The following PALM2AKAP2 variants were observed in gnomAD, a reference collection of about 807,000 sequenced individuals.
PALM2AKAP2 encodes PALM2 and AKAP2 fusion, also known as PALM2-AKAP2 fusion protein.
PALM2AKAP2 carries 37 observed loss-of-function variants against 71.5 expected under a neutral mutation model. The ratio of observed to expected loss-of-function variants is 0.52; its 90% confidence interval spans 0.40 to 0.68. The LOEUF is 0.68. Among genes scored for constraint, PALM2AKAP2 ranks in the 30% least tolerant of loss-of-function variants. The pLI is 0.00. For missense variants in PALM2AKAP2, 1,224 were observed against 1,191.8 expected (o/e 1.03, Z -0.40); for synonymous variants, 468 against 478.8 (o/e 0.98, Z 0.29).
chr9:109,809,856 A>G (rs1827681457), intron 1 of PALM2AKAP2, among the ~76,000 whole-genome samples: 1 of 152,140 alleles, frequency 6.6e-6, no homozygotes, highest in Non-Finnish European at 1.5e-5. Flanking sequence ...TGGTTTTATA[A>G]GGGGCTTGTC....
chr9:109,846,695 C>T (rs1008158627), intron 1 of PALM2AKAP2, among the ~76,000 whole-genome samples: 1 of 152,178 alleles, frequency 6.6e-6, no homozygotes, highest in Non-Finnish European at 1.5e-5. Context: ...GATAGAATAA[C>T]CAGACAGTTC....
At chr9:109,739,934 T>G (rs1332918381) in intron 1 of PALM2AKAP2, among the ~76,000 whole-genome samples, 1 of 152,204 alleles carries the variant, frequency 6.6e-6, no homozygotes. Flanking sequence ...CATCTTAAGG[T>G]CTTGTCAAAG....
At chr9:109,982,901 G>A (rs1463168795) in intron 6 of PALM2AKAP2, among the ~76,000 whole-genome samples, 2 of 152,170 alleles carry the variant, frequency 1.3e-5, no homozygotes, top group African/African-American at 4.8e-5. Context: ...TAAAAATATA[G>A]GTGTGAGCCA....
Position 109,870,622 on chromosome 9 carries a change from G to A in PALM2AKAP2, c.126+3051G>A, listed in dbSNP as rs116070879. On this transcript the variant is annotated intron_variant, in intron 2 of 9. Transcript: ENST00000302798. ...GTCAAGTGATTTGCCCAAGACCATAGAGACTATAAATGAGGGAGCCTGAGA... is the reference window on the plus strand; with the variant it reads ...GTCAAGTGATTTGCCCAAGACCATAAAGACTATAAATGAGGGAGCCTGAGA... 2.2e-3 allele frequency among the ~76,000 whole-genome samples: 331 copies of A among 152,342 alleles called. 2 individuals carry two copies. Among genetic ancestry groups the A allele is most frequent in the South Asian group, 2.7e-3 (13 of 4,830 alleles).
chr9:109,816,366 C>T (rs903058123), intron 1 of PALM2AKAP2, among the ~76,000 whole-genome samples: 1 of 152,126 alleles, frequency 6.6e-6, no homozygotes, highest in Non-Finnish European at 1.5e-5. Context: ...AAAATGAAGA[C>T]AGGAGGGCTA....
At chr9:109,821,410 C>T (rs1024354954) in intron 1 of PALM2AKAP2, among the ~76,000 whole-genome samples, 14 of 152,280 alleles carry the variant, frequency 9.2e-5, no homozygotes, top group African/African-American at 2.9e-4. Context: ...TTCATATTAT[C>T]TAGTCAAATG....
At chr9:109,895,914 T>A (rs77989418) in intron 3 of PALM2AKAP2, among the ~76,000 whole-genome samples, 5,737 of 152,212 alleles carry the variant, frequency 0.038, 114 homozygotes, top group Middle Eastern at 0.075. Context: ...AATCTCCTTG[T>A]GATTCATGCC....
chr9:109,947,447 G>T (rs997092862), intron 6 of PALM2AKAP2, among the ~76,000 whole-genome samples: 2 of 152,088 alleles, frequency 1.3e-5, no homozygotes, highest in Non-Finnish European at 2.9e-5. Flanking sequence ...CATTTCAAGG[G>T]ACCACAGCAC....
At chr9:110,152,440 A>G (rs1261040386) in intron 2 of PALM2AKAP2, among the ~76,000 whole-genome samples, 2 of 152,148 alleles carry the variant, frequency 1.3e-5, no homozygotes, top group Non-Finnish European at 2.9e-5. Context: ...GGTGAGATGC[A>G]CACTGGATCA....
At chr9:109,696,429 A>T (rs952917543) in intron 1 of PALM2AKAP2, among the ~76,000 whole-genome samples, 1 of 152,246 alleles carries the variant, frequency 6.6e-6, no homozygotes, top group African/African-American at 2.4e-5. Flanking sequence ...GACAAAGATT[A>T]AAAAATTTAG....
At chr9:109,715,653 G>C (rs563332336) in intron 1 of PALM2AKAP2, among the ~76,000 whole-genome samples, 1 of 152,174 alleles carries the variant, frequency 6.6e-6, no homozygotes, top group East Asian at 1.9e-4. Context: ...TGCCCATCAT[G>C]TTCCTTTCAG....
At chr9:109,697,636 A>T (rs1827991424) in intron 1 of PALM2AKAP2, among the ~76,000 whole-genome samples, 1 of 152,220 alleles carries the variant, frequency 6.6e-6, no homozygotes. Flanking sequence ...GGAATAAATT[A>T]CATTTAAAAA....
chr9:109,853,191 A>T lies in PALM2AKAP2; in HGVS notation c.46-14300A>T, dbSNP rs556800316. ...CCCCCCAGGGTTATAGTGAGGGTTG[A>T]TGAGGTAGTTCATTTAAAGCACTCA... On this transcript the variant is annotated intron_variant, in intron 1 of 9. Transcript: ENST00000302798. 1.1e-4 allele frequency among the ~76,000 whole-genome samples: 16 copies of T among 152,248 alleles called. No individual in the cohort carries two copies. In the East Asian group the frequency reaches 2.7e-3, roughly 26 times the overall value.
At chr9:110,143,190 G>A in intron 2 of PALM2AKAP2, among the ~76,000 whole-genome samples, 1 of 151,522 alleles carries the variant, frequency 6.6e-6, no homozygotes, top group Admixed American at 6.6e-5. Flanking sequence ...TGGAGGTGGA[G>A]GCAAGAGGAT....
At chr9:110,073,554 T>C (rs1834255177) in intron 1 of PALM2AKAP2, among the ~76,000 whole-genome samples, 2 of 152,104 alleles carry the variant, frequency 1.3e-5, no homozygotes, top group South Asian at 4.1e-4. Context: ...TTCAGATAGG[T>C]CAAGAAAGCC....
exon 4 of PALM2AKAP2, chr9:110,170,465 A>T (rs1836835518): frequency 6.6e-6 from 1 of 152,568 alleles, no homozygotes; most frequent in Admixed American, 6.5e-5. Context: ...AATGAGAAGT[A>T]GGCACAAAGT....
intron 1 of PALM2AKAP2, among the ~76,000 whole-genome samples, chr9:110,076,791 C>T (rs1256109126): frequency 6.6e-6 from 1 of 152,080 alleles, no homozygotes; most frequent in Non-Finnish European, 1.5e-5. Flanking sequence ...GTGTGTTGAG[C>T]CACTTTTTAT....
chr9:110,150,633 T>G (rs1046391902), intron 2 of PALM2AKAP2, among the ~76,000 whole-genome samples: 9 of 152,194 alleles, frequency 5.9e-5, no homozygotes, highest in Admixed American at 4.6e-4. Flanking sequence ...TTACAGGTTT[T>G]GGGGATTAGG....
intron 1 of PALM2AKAP2, among the ~76,000 whole-genome samples, chr9:110,052,827 G>T (rs1389530527): frequency 1.3e-5 from 2 of 152,158 alleles, no homozygotes; most frequent in African/African-American, 4.8e-5. Flanking sequence ...ATAGATGTGA[G>T]TTGTAATTTT....
Sources: allele counts gnomAD v4.1 joint callset (sites outside exome capture counted in the v4.1 genomes callset), GRCh38; gene constraint gnomAD v4.1.1; transcripts MANE v1.5; gene names NCBI Gene and HGNC (gene_info 2026-07-23, HGNC 2026-07-21).